ASAP2: variants seen among roughly 807,000 people sequenced by gnomAD.
ASAP2 encodes the protein arf-GAP with SH3 domain, ANK repeat and PH domain-containing protein 2.
In ASAP2, 45 loss-of-function variants were observed where a neutral mutation model predicts 131.4. The ratio of observed to expected loss-of-function variants is 0.34; its 90% CI spans 0.27 to 0.44. The LOEUF (loss-of-function observed/expected upper bound fraction) is 0.44, where lower values mean the gene tolerates loss of function less well. ASAP2 is among the 20% of genes least tolerant of loss of function. The pLI, the probability that ASAP2 is intolerant of heterozygous loss-of-function variation, is 1.00. For missense variants in ASAP2, 1,011 were observed against 1,297.0 expected (o/e 0.78, Z 3.39); for synonymous variants, 510 against 503.0 (o/e 1.01, Z -0.19).
Position 9,279,397 on chromosome 2 carries a change from T to A in ASAP2, c.199+8T>A. The A allele has an allele frequency of 6.2e-7, 1 of 1,612,318 alleles. No homozygotes were observed. The highest frequency in any genetic ancestry group is 1.7e-5 in the Admixed American group (1 of 60,034). ...TCAACAGCTCTGGGCTGGGTGAGTA[T>A]ACATCCTTCCCTAGAGGTTTCTGTG... On this transcript the variant is annotated splice_region_variant and intron_variant, in intron 2 of 27. Transcript: ENST00000281419.
At position 9,207,251 on chromosome 2, in the gene ASAP2, G is replaced by T; in HGVS notation, c.126+21G>T. ...AGGAGGTGAGGCGGCCTGCGCGGCG[G>T]CTCCGGCCGCAGGTATCCCGCGCCC... On this transcript the variant is annotated intron_variant, in intron 1 of 27. Transcript: ENST00000281419. The surrounding 1 kb of genome is among the most constrained non-coding windows in gnomAD (Gnocchi z 4.1). 1.3e-6 allele frequency: 2 copies of T among 1,533,548 alleles called. No individual in the cohort carries two copies. Among genetic ancestry groups the T allele is most frequent in the Non-Finnish European group, 8.7e-7 (1 of 1,143,646 alleles). 95.0% of individuals were successfully genotyped at this position (1,533,548 alleles called of 1,614,324 possible).
rs1198542416 is a variant in ASAP2, at chr2:9,389,394, C to T, written c.2383+848C>T. On this transcript the variant is annotated intron_variant, in intron 22 of 27. Coordinates refer to ENST00000281419, the MANE Select transcript of ASAP2 (RefSeq NM_003887.3). The surrounding 1 kb of genome is among the most constrained non-coding windows in gnomAD (Gnocchi z 4.7). Reference sequence around the variant, plus strand: ...TCCAGGCATTGTGGCCGCTGTGAGCCGCTGATGGAGTGGAGCCCACGTCCC... The same window carrying T: ...TCCAGGCATTGTGGCCGCTGTGAGCTGCTGATGGAGTGGAGCCCACGTCCC... 3.3e-5 allele frequency among the ~76,000 whole-genome samples: 5 copies of T among 152,178 alleles called. No individual in the cohort carries two copies. The highest frequency in any genetic ancestry group is 4.8e-5 in the African/African-American group (2 of 41,432).
intron 1 of ASAP2, 128 bp from the exon 2 acceptor site, chr2:9,279,189 G>A (rs1666961916): frequency 1.2e-6 from 1 of 810,774 alleles, no homozygotes; most frequent in Non-Finnish European, 2.1e-6. Context: ...GGCAGAGGAG[G>A]CTTGTCTCCC....
intron 1 of ASAP2, among the ~76,000 whole-genome samples, chr2:9,225,691 G>A (rs1019234663): frequency 1.8e-4 from 28 of 152,180 alleles, no homozygotes; most frequent in African/African-American, 6.5e-4. Flanking sequence ...GGGATCCTGG[G>A]GGAGATGGAG....
At position 9,376,311 on chromosome 2, in the gene ASAP2, TCTC is replaced by T. The variant is rs566790501; in HGVS notation, c.1747-593_1747-591del. On this transcript the variant is annotated intron_variant, in intron 17 of 27. Transcript: ENST00000281419. Reference sequence around the variant, plus strand: ...ACCTCCTGTCTTCTGTATCTGTCCTTCTCCTCTGGTTCTCTCACCCACCCACCT... The same window carrying T: ...ACCTCCTGTCTTCTGTATCTGTCCTTCTCTGGTTCTCTCACCCACCCACCT... 1.4e-4 allele frequency among the ~76,000 whole-genome samples: 21 copies of T among 152,318 alleles called. No individual in the cohort carries two copies. In the East Asian group the frequency reaches 3.7e-3, roughly 27 times the overall value.
chr2:9,331,226 G>T (rs1444184013), intron 7 of ASAP2, among the ~76,000 whole-genome samples: 1 of 152,256 alleles, frequency 6.6e-6, no homozygotes, highest in Admixed American at 6.5e-5. Context: ...CCAGGGCTCA[G>T]GTTTGGCTGT....
intron 9 of ASAP2, among the ~76,000 whole-genome samples, chr2:9,343,464 T>A (rs1671734844): frequency 6.6e-6 from 1 of 152,194 alleles, no homozygotes; most frequent in African/African-American, 2.4e-5. Context: ...TTTGTTTTTT[T>A]GAGACAAGGT....
chr2:9,307,186 G>A (rs1365235099), intron 3 of ASAP2, among the ~76,000 whole-genome samples: 2 of 152,226 alleles, frequency 1.3e-5, no homozygotes, highest in African/African-American at 4.8e-5. Context: ...GACCACACCT[G>A]TTGGACTTCC....
chr2:9,285,662 T>G (rs1034130996), intron 2 of ASAP2, among the ~76,000 whole-genome samples: 25 of 152,210 alleles, frequency 1.6e-4, no homozygotes, highest in African/African-American at 4.3e-4. Context: ...CCCCAGGAAG[T>G]TGAAGCTAAC....
chr2:9,322,593 A>C (rs1396420928), intron 5 of ASAP2, among the ~76,000 whole-genome samples: 1 of 152,214 alleles, frequency 6.6e-6, no homozygotes, highest in Non-Finnish European at 1.5e-5. Context: ...ACATTTAGGT[A>C]ATACAGGTTA....
intron 27 of ASAP2, 119 bp downstream of exon 27, chr2:9,401,515 C>T (rs1030930400): frequency 9.1e-6 from 12 of 1,323,880 alleles, no homozygotes; most frequent in Non-Finnish European, 1.2e-5. Context: ...GATGTAGTTC[C>T]TGGTGCCTCC....
intron 21 of ASAP2, 120 bp from the exon 22 acceptor site, chr2:9,388,174 C>T: frequency 7.6e-7 from 1 of 1,321,486 alleles, no homozygotes; most frequent in Non-Finnish European, 1.0e-6. Flanking sequence ...GTTGAGAGCT[C>T]AAATGGTACC....
rs184293838 is a variant in ASAP2, at chr2:9,402,367, C to T, written c.2947-886C>T. On this transcript the variant is annotated intron_variant, in intron 27 of 27. Coordinates refer to ENST00000281419, the MANE Select transcript of ASAP2 (RefSeq NM_003887.3). Reference sequence around the variant, plus strand: ...TCTGTGGCCTGGGCGCGGTGGCTCACGCCCATAATCCCAGCACTTTGGGAG... The same window carrying T: ...TCTGTGGCCTGGGCGCGGTGGCTCATGCCCATAATCCCAGCACTTTGGGAG... Among the ~76,000 whole-genome samples the T allele has an allele frequency of 4.6e-5, 7 of 152,316 alleles. No homozygotes were observed. The East Asian group carries it at 7.7e-4, about 17-fold the overall frequency.
intron 11 of ASAP2, among the ~76,000 whole-genome samples, chr2:9,348,549 A>C (rs1002645570): frequency 6.6e-6 from 1 of 152,228 alleles, no homozygotes; most frequent in Non-Finnish European, 1.5e-5. Context: ...TTTAACCTGA[A>C]TAGCAAACAG....
In ASAP2 at chr2:9,232,341, T is replaced by G. The variant is rs11695677; in HGVS notation, c.126+25111T>G. Among the ~76,000 whole-genome samples the G allele has an allele frequency of 0.01, 1,570 of 152,316 alleles. 30 individuals carry two copies. Among genetic ancestry groups the G allele is most frequent in the African/African-American group, 0.036 (1,510 of 41,558 alleles). ...GTATCTCCCTGCCTGTTCTGTGAAG[T>G]TCAGCCCAGTGCCCCTTCCTTGGAG... On this transcript the variant is annotated intron_variant, in intron 1 of 27. Transcript: ENST00000281419. This position sits in a 1 kb window ranked among gnomAD's most constrained non-coding sequence, Gnocchi z 4.1.
chr2:9,329,152 C>G (rs1289936681), intron 7 of ASAP2, among the ~76,000 whole-genome samples: 2 of 152,040 alleles, frequency 1.3e-5, no homozygotes, highest in African/African-American at 4.8e-5. Context: ...CAGGCAGGGT[C>G]TAGGTCTTAA....
chr2:9,240,351 C>T (rs1339873052), intron 1 of ASAP2, among the ~76,000 whole-genome samples: 1 of 151,456 alleles, frequency 6.6e-6, no homozygotes, highest in Non-Finnish European at 1.5e-5. Context: ...TTTCCTGGGC[C>T]CAGGTGATCC....
At chr2:9,387,028 C>T (rs1675310173) in intron 21 of ASAP2, among the ~76,000 whole-genome samples, 1 of 151,180 alleles carries the variant, frequency 6.6e-6, no homozygotes, top group Admixed American at 6.6e-5. Context: ...CACGGTGAAA[C>T]CCCGTCTCTA....
intron 20 of ASAP2, among the ~76,000 whole-genome samples, chr2:9,382,655 C>G (rs1243893025): frequency 6.6e-6 from 1 of 152,216 alleles, no homozygotes; most frequent in Non-Finnish European, 1.5e-5. Flanking sequence ...TGGATACTTG[C>G]AGGCTGATCA....
Sources: gnomAD v4.1 joint callset for allele counts (sites outside exome capture counted in the v4.1 genomes callset) on GRCh38, gnomAD v4.1.1 for gene constraint, Gnocchi (gnomAD v3.1) non-coding constraint, MANE v1.5 for transcripts, NCBI Gene and HGNC (gene_info 2026-07-23, HGNC 2026-07-21) for gene names.